ABL1: variants seen among roughly 807,000 people sequenced by gnomAD.
ABL1 encodes the protein tyrosine-protein kinase ABL1.
A neutral mutation model predicts 94.7 loss-of-function variants in ABL1; 11 were observed. The observed-to-expected ratio is 0.12, with a 90% CI of 0.07 to 0.19. ABL1 has a LOEUF of 0.19. Among genes scored for constraint, ABL1 ranks in the 10% least tolerant of loss-of-function variants. The pLI, the probability that ABL1 is intolerant of heterozygous loss-of-function variation, is 1.00. For missense variants in ABL1, 1,082 were observed against 1,489.4 expected, an observed-to-expected ratio of 0.73 and a Z score of 4.50; for synonymous variants, 656 against 622.4, an observed-to-expected ratio of 1.05 and a Z score of -0.80.
chr9:130,800,149 G>C (rs1458807761), intron 1 of ABL1, among the ~76,000 whole-genome samples: 1 of 152,136 alleles, frequency 6.6e-6, no homozygotes, highest in East Asian at 1.9e-4. Context: ...TGGGATTACA[G>C]ACGTGAGCCA....
intron 1 of ABL1, among the ~76,000 whole-genome samples, chr9:130,718,415 G>A (rs1015414812): frequency 1.3e-5 from 2 of 152,008 alleles, no homozygotes; most frequent in African/African-American, 4.8e-5. Context: ...GTTTTGGGGG[G>A]AGAAAACAGT....
At chr9:130,807,009 G>A (rs758334642) in intron 1 of ABL1, among the ~76,000 whole-genome samples, 4 of 152,164 alleles carry the variant, frequency 2.6e-5, no homozygotes, top group Non-Finnish European at 4.4e-5. Context: ...ACTTAGCTGG[G>A]CGTAGTGGCG....
At chr9:130,806,870 G>C (rs1401301563) in intron 1 of ABL1, among the ~76,000 whole-genome samples, 1 of 151,860 alleles carries the variant, frequency 6.6e-6, no homozygotes, top group Non-Finnish European at 1.5e-5. Context: ...TTTGTTTTTG[G>C]CTGGGCACAG....
intron 1 of ABL1, among the ~76,000 whole-genome samples, chr9:130,763,320 G>GT (rs1253647176): frequency 1.7e-4 from 20 of 114,920 alleles, no homozygotes; most frequent in African/African-American, 9.0e-4. Flanking sequence ...CAACATTTTT[G>GT]TGGTTTTTTT....
At chr9:130,817,518 C>T (rs1830303339) in intron 1 of ABL1, among the ~76,000 whole-genome samples, 1 of 152,152 alleles carries the variant, frequency 6.6e-6, no homozygotes, top group East Asian at 1.9e-4. Context: ...AGGACAAATA[C>T]AGAATGTGAG....
In ABL1 at chr9:130,874,955, C is replaced by T. The variant is rs2133003367; in HGVS notation, c.1173C>T (p.Asp391=). The change falls in exon 7 of 11, where the codon GAC becomes GAT. Residue 391 remains aspartate (D), a synonymous_variant. Transcript: ENST00000318560. ...GCCTGAGCAGGTTGATGACAGGGGA[C>T]ACCTACACAGCCCATGCTGGAGCCA... The part of the protein sequence containing the change: ...DFGLSRLMTG[D]TYTAHAGAKF... 1 of 1,614,170 alleles carries T rather than the reference C, an allele frequency of 6.2e-7. No individual in the cohort carries two copies. The highest frequency in any genetic ancestry group is 8.5e-7 in the Non-Finnish European group (1 of 1,180,038).
intron 1 of ABL1, among the ~76,000 whole-genome samples, chr9:130,776,197 A>G (rs1256470996): frequency 6.6e-6 from 1 of 152,240 alleles, no homozygotes; most frequent in African/African-American, 2.4e-5. Flanking sequence ...CTCAGGAATC[A>G]TAAAGCTGGC....
chr9:130,875,152 GT>G, intron 7 of ABL1, 100 bp downstream of exon 7: 3 of 1,333,030 alleles, frequency 2.3e-6, no homozygotes, highest in East Asian at 2.5e-5. Flanking sequence ...CTTTCTTTTT[GT>G]TTTTTTGAGA....
intron 1 of ABL1, among the ~76,000 whole-genome samples, chr9:130,750,210 T>C (rs1366141233): frequency 0.023 from 1,896 of 83,878 alleles, 61 homozygotes; most frequent in African/African-American, 0.077. Context: ...TATATATATA[T>C]ATATATATAT....
chr9:130,724,539 G>A (rs897076819), intron 1 of ABL1, among the ~76,000 whole-genome samples: 3 of 151,690 alleles, frequency 2.0e-5, no homozygotes, highest in African/African-American at 7.3e-5. Flanking sequence ...GCTGGGCTCG[G>A]TGGCTCATGC....
chr9:130,763,678 T>G (rs1374681713), intron 1 of ABL1, among the ~76,000 whole-genome samples: 1 of 152,204 alleles, frequency 6.6e-6, no homozygotes, highest in African/African-American at 2.4e-5. Flanking sequence ...TCCACATGCT[T>G]CTTGCGTGTC....
chr9:130,868,477 C>T (rs1831193900), intron 4 of ABL1, among the ~76,000 whole-genome samples: 3 of 151,062 alleles, frequency 2.0e-5, no homozygotes, highest in African/African-American at 7.3e-5. Context: ...AAGCCTGCTA[C>T]ACAGAAACTG....
At chr9:130,854,656 T>C (rs767993079) in intron 2 of ABL1, 145 bp from the exon 3 acceptor site, 7 of 866,738 alleles carry the variant, frequency 8.1e-6, no homozygotes, top group Middle Eastern at 2.4e-4. Flanking sequence ...CATACACTTA[T>C]AAATGCATAT....
Position 130,885,459 on chromosome 9 carries a change from C to T in ABL1, c.3169C>T (p.Leu1057=), listed in dbSNP as rs759763309. Residue 1057 remains leucine (L), a synonymous_variant, in exon 11 of 11, where the codon CTG becomes TTG. Transcript: ENST00000318560. ...GCAGATGGCCAGCCACAGCGCAGTGCTGGAGGCCGGCAAAAACCTCTACAC... is the reference window on the plus strand; with the variant it reads ...GCAGATGGCCAGCCACAGCGCAGTGTTGGAGGCCGGCAAAAACCTCTACAC... ...SEQMASHSAV[L]EAGKNLYTFC... is the part of the protein sequence containing the mutation. 3.5e-5 allele frequency: 56 copies of T among 1,613,902 alleles called. No individual in the cohort carries two copies. Among genetic ancestry groups the T allele is most frequent in the Non-Finnish European group, 4.7e-5 (56 of 1,180,058 alleles).
intron 1 of ABL1, among the ~76,000 whole-genome samples, chr9:130,848,359 A>C (rs970106501): frequency 1.1e-4 from 16 of 150,336 alleles, no homozygotes; most frequent in African/African-American, 3.7e-4. Context: ...AAAAAAAAAA[A>C]AAAAAAAACT....
chr9:130,775,579 A>G (rs1832301207), intron 1 of ABL1, among the ~76,000 whole-genome samples: 2 of 152,186 alleles, frequency 1.3e-5, no homozygotes, highest in Non-Finnish European at 2.9e-5. Flanking sequence ...AAAACGCAGC[A>G]TAGAGAGACA....
rs776841951 is a variant in ABL1, at chr9:130,873,003, A to G, written c.1051A>G (p.Met351Val). Residue 351 changes from methionine (M) to valine (V), a missense_variant, in exon 6 of 11, where the codon ATG becomes GTG. By Grantham distance (21) the Met-to-Val change is conservative. Around this residue, in one of 7 missense-constraint regions of ABL1, gnomAD observed 92 missense variants for 212.3 expected, o/e 0.43. Coordinates refer to ENST00000318560, the MANE Select transcript of ABL1 (RefSeq NM_005157.6). ...CATGGCCACTCAGATCTCGTCAGCC[A>G]TGGAGTACCTGGAGAAGAAAAACTT... ...LYMATQISSA[M>V]EYLEKKNFIH... is the part of the protein sequence containing the mutation. The G allele has an allele frequency of 3.1e-6, 5 of 1,614,116 alleles. No individual in the cohort carries two copies. Among genetic ancestry groups the G allele is most frequent in the Non-Finnish European group, 4.2e-6 (5 of 1,180,000 alleles).
At chr9:130,825,331 A>G (rs1272918742) in intron 1 of ABL1, among the ~76,000 whole-genome samples, 1 of 152,070 alleles carries the variant, frequency 6.6e-6, no homozygotes, top group East Asian at 1.9e-4. Flanking sequence ...CCCCAAATGT[A>G]ACGTGATCTC....
rs1293069592 is a variant in ABL1 at position 130,885,170 on chromosome 9, C to G, written c.2880C>G (p.Leu960=). 1 of 1,613,342 alleles carries G rather than the reference C, an allele frequency of 6.2e-7. No homozygotes were observed. Among genetic ancestry groups the G allele is most frequent in the Non-Finnish European group, 8.5e-7 (1 of 1,179,972 alleles). The change falls in exon 11 of 11, where the codon CTC becomes CTG. Residue 960 remains leucine, a synonymous_variant. Coordinates refer to ENST00000318560, the MANE Select transcript of ABL1 (RefSeq NM_005157.6). ...GAGAGGGCCTCAAAAAGCCCGTGCT[C>G]CCGGCCACTCCAAAGCCACAGTCCG... ...QPGEGLKKPV[L]PATPKPQSAK... is the part of the protein sequence containing the mutation.
Sources: allele counts gnomAD v4.1 joint callset (sites outside exome capture counted in the v4.1 genomes callset), GRCh38; gene constraint gnomAD v4.1.1; regional missense constraint gnomAD v4.1.1; transcripts MANE v1.5; gene names NCBI Gene and HGNC (gene_info 2026-07-23, HGNC 2026-07-21).